Variants in GRID2 observed in about 807,000 individuals in gnomAD.
GRID2 encodes glutamate receptor ionotropic, delta-2.
Under a neutral mutation model 114.8 loss-of-function variants are expected in GRID2, and 33 were observed. The ratio of observed to expected loss-of-function variants is 0.29; its 90% CI spans 0.22 to 0.38. The LOEUF is 0.38. Ranked by LOEUF, GRID2 falls within the 10% of genes least tolerant of loss-of-function variation. GRID2 has a pLI of 1.00. For missense variants in GRID2, 1,184 were observed against 1,257.7 expected (o/e 0.94, Z 0.89); for synonymous variants, 505 against 449.9 (o/e 1.12, Z -1.55).
At chr4:93,275,100 T>G (rs1023675065) in intron 8 of GRID2, among the ~76,000 whole-genome samples, 1 of 151,946 alleles carries the variant, frequency 6.6e-6, no homozygotes, top group African/African-American at 2.4e-5. Context: ...CTGACAACCA[T>G]TAATCTACTT....
intron 2 of GRID2, among the ~76,000 whole-genome samples, chr4:92,622,285 A>C (rs1730312001): frequency 6.6e-6 from 1 of 151,758 alleles, no homozygotes; most frequent in Non-Finnish European, 1.5e-5. Context: ...AATTTTAGAT[A>C]TGGATGTTGC....
At chr4:93,133,551 G>T (rs1001678517) in intron 4 of GRID2, among the ~76,000 whole-genome samples, 3 of 152,134 alleles carry the variant, frequency 2.0e-5, no homozygotes, top group African/African-American at 7.2e-5. Flanking sequence ...TATATGTTTT[G>T]AGAATGCACT....
chr4:92,945,292 G>A (rs552742824), intron 2 of GRID2, among the ~76,000 whole-genome samples: 1 of 152,164 alleles, frequency 6.6e-6, no homozygotes, highest in East Asian at 1.9e-4. Flanking sequence ...TTCTCTCAGA[G>A]TTTTAAAGTC....
At chr4:93,184,940 T>TA (rs1740265717) in intron 4 of GRID2, among the ~76,000 whole-genome samples, 1 of 152,164 alleles carries the variant, frequency 6.6e-6, no homozygotes, top group Non-Finnish European at 1.5e-5. Flanking sequence ...TATTTGTAGT[T>TA]ACTATAATGT....
In GRID2 at chr4:93,395,636, G is replaced by A; in HGVS notation, c.1275G>A (p.Leu425=). The A allele has an allele frequency of 6.3e-7, 1 of 1,580,466 alleles. No homozygotes were observed. The highest frequency in any genetic ancestry group is 8.7e-7 in the Non-Finnish European group (1 of 1,150,114). ...GTTGCTGGAATCCTGTCACAGGTCTGAATGGGTCACTGACTGACAAGAAAT... is the reference window on the plus strand; with the variant it reads ...GTTGCTGGAATCCTGTCACAGGTCTAAATGGGTCACTGACTGACAAGAAAT... ...KLGCWNPVTG[L]NGSLTDKKLE... The change falls in exon 9 of 16, where the codon CTG becomes CTA. Residue 425 remains leucine, a synonymous_variant. Transcript: ENST00000282020.
intron 1 of GRID2, among the ~76,000 whole-genome samples, chr4:92,510,606 A>G (rs1430178081): frequency 6.6e-6 from 1 of 151,934 alleles, no homozygotes; most frequent in Non-Finnish European, 1.5e-5. Flanking sequence ...GAGGGTGAGT[A>G]CAAAGTTACA....
At chr4:92,961,938 T>C (rs977154030) in intron 2 of GRID2, among the ~76,000 whole-genome samples, 3 of 151,910 alleles carry the variant, frequency 2.0e-5, no homozygotes, top group African/African-American at 4.8e-5. Flanking sequence ...CTCTCAACCA[T>C]GACCGATCTA....
chr4:93,093,550 C>T (rs761013002), intron 3 of GRID2, among the ~76,000 whole-genome samples: 2 of 151,892 alleles, frequency 1.3e-5, no homozygotes, highest in African/African-American at 2.4e-5. Context: ...ACATGAATTC[C>T]AATTATATAC....
At chr4:93,325,106 C>A (rs900786436) in intron 8 of GRID2, among the ~76,000 whole-genome samples, 1 of 152,106 alleles carries the variant, frequency 6.6e-6, no homozygotes, top group Non-Finnish European at 1.5e-5. Flanking sequence ...TCTTGCTTCT[C>A]TAGTTCTTTT....
chr4:93,060,963 C>T (rs1301313820), intron 2 of GRID2, among the ~76,000 whole-genome samples: 5 of 151,842 alleles, frequency 3.3e-5, no homozygotes, highest in Non-Finnish European at 4.4e-5. Flanking sequence ...ATCAGCCAGA[C>T]GTGGTGGCAT....
chr4:93,430,783 G>C (rs1032522076), intron 10 of GRID2, among the ~76,000 whole-genome samples: 4 of 152,194 alleles, frequency 2.6e-5, no homozygotes, highest in African/African-American at 9.7e-5. Flanking sequence ...GGAAGGTAGA[G>C]TAAAGGTAAA....
chr4:93,613,961 G>T (rs1390971026), intron 13 of GRID2, among the ~76,000 whole-genome samples: 1 of 151,750 alleles, frequency 6.6e-6, no homozygotes. Context: ...AGCAATCAGC[G>T]AGATTCCGTG....
At chr4:92,433,465 T>G (rs1732570715) in intron 1 of GRID2, among the ~76,000 whole-genome samples, 1 of 152,232 alleles carries the variant, frequency 6.6e-6, no homozygotes, top group East Asian at 1.9e-4. Context: ...AGGTCTCATC[T>G]AAGTGCTTCC....
chr4:92,973,598 A>G (rs1313702235), intron 2 of GRID2, among the ~76,000 whole-genome samples: 1 of 152,180 alleles, frequency 6.6e-6, no homozygotes, highest in African/African-American at 2.4e-5. Flanking sequence ...GAACAAGTGT[A>G]GGAAGATTAA....
intron 2 of GRID2, chr4:92,884,939 A>G: frequency 3.0e-6 from 1 of 335,064 alleles, no homozygotes; most frequent in Non-Finnish European, 6.1e-6. Context: ...TCTCCCCAAA[A>G]AAAAAAAATC....
intron 8 of GRID2, among the ~76,000 whole-genome samples, chr4:93,307,282 C>A (rs942283687): frequency 3.5e-4 from 53 of 151,522 alleles, no homozygotes; most frequent in African/African-American, 1.0e-3. Flanking sequence ...TGGTATTTTT[C>A]AGACTCAGAA....
chr4:93,344,715 T>G lies in GRID2; in HGVS notation c.1246-50892T>G, dbSNP rs973516591. 2.0e-5 allele frequency among the ~76,000 whole-genome samples: 3 copies of G among 150,970 alleles called. No individual in the cohort carries two copies. The South Asian group carries it at 6.2e-4, about 31-fold the overall frequency. On this transcript the variant is annotated intron_variant, in intron 8 of 15. Transcript: ENST00000282020. ...TAGTCATATTATACAGTAGATCTCT[T>G]GAACTTATTCATCCTGCCTAAGTAA... is the stretch of plus-strand genomic sequence containing the variant.
Position 93,793,606 on chromosome 4 carries a change from T to C in GRID2, c.222-13109T>C, listed in dbSNP as rs1487031826. Among the ~76,000 whole-genome samples the C allele has an allele frequency of 2.0e-5, 3 of 152,214 alleles. No homozygotes were observed. The East Asian group carries it at 5.8e-4, about 29-fold the overall frequency. ...TCTCTCTATATTTCTATTATCCTAG[T>C]TCTAATTGTCTTCTGAAATTGTAAT... On this transcript the variant is annotated intron_variant, in intron 1 of 1. Transcript: ENST00000637838.
At chr4:93,168,716 G>A (rs1001293437) in intron 4 of GRID2, among the ~76,000 whole-genome samples, 7 of 151,978 alleles carry the variant, frequency 4.6e-5, no homozygotes, top group African/African-American at 7.2e-5. Context: ...AAACAGAACC[G>A]TGACTAGAGA....
Sources: gnomAD v4.1 joint callset for allele counts (sites outside exome capture counted in the v4.1 genomes callset) on GRCh38, gnomAD v4.1.1 for gene constraint, MANE v1.5 for transcripts, NCBI Gene and HGNC (gene_info 2026-07-23, HGNC 2026-07-21) for gene names.